SEC24B: variants seen among roughly 807,000 people sequenced by gnomAD.
SEC24B encodes protein transport protein Sec24B.
A neutral mutation model predicts 142.8 loss-of-function variants in SEC24B; 45 were observed. That is an observed-to-expected ratio of 0.32 (90% CI 0.25 to 0.40). The LOEUF is 0.40. Among genes scored for constraint, SEC24B ranks in the 10% least tolerant of loss-of-function variants. The pLI, the probability that SEC24B is intolerant of heterozygous loss-of-function variation, is 1.00. For synonymous variants in SEC24B, 574 were observed against 568.2 expected (o/e 1.01, Z -0.15); for missense variants, 1,409 against 1,526.8 (o/e 0.92, Z 1.29).
At position 109,516,647 on chromosome 4, in the gene SEC24B, A is replaced by G. The variant is rs774399485; in HGVS notation, c.2126+7A>G. ...TCCTAGAAAATCTAGACAAGTAAGA[A>G]TATTTTTAATTCATACTATACATAT... On this transcript the variant is annotated splice_region_variant and intron_variant, in intron 11 of 23. Coordinates refer to ENST00000265175, the MANE Select transcript of SEC24B (RefSeq NM_006323.5). 4 of 1,447,132 alleles carry G rather than the reference A, an allele frequency of 2.8e-6. No individual in the cohort carries two copies. In the African/African-American group the frequency reaches 4.2e-5, roughly 15 times the overall value. The allele number at this position is 1,447,132 out of a possible 1,614,324, so 89.6% of individuals were successfully genotyped here. A position where few individuals can be genotyped will look rare whatever the true frequency, so the allele number is the denominator to read the frequency against.
intron 10 of SEC24B, among the ~76,000 whole-genome samples, chr4:109,515,760 C>T (rs1722777899): frequency 6.6e-6 from 1 of 152,172 alleles, no homozygotes. Context: ...TATTTAAAGG[C>T]CAGGCACAGT....
intron 1 of SEC24B, among the ~76,000 whole-genome samples, chr4:109,456,490 A>G (rs1730708710): frequency 6.6e-6 from 1 of 152,090 alleles, no homozygotes; most frequent in South Asian, 2.1e-4. Context: ...GGACGAAAGC[A>G]GTCTGTCTGT....
intron 9 of SEC24B, among the ~76,000 whole-genome samples, chr4:109,512,810 C>A (rs979298759): frequency 1.3e-5 from 2 of 150,728 alleles, no homozygotes; most frequent in Non-Finnish European, 3.0e-5. Context: ...TACAGGCTTG[C>A]ACCACCACAC....
intron 3 of SEC24B, among the ~76,000 whole-genome samples, chr4:109,474,151 G>A (rs908061044): frequency 2.0e-5 from 3 of 152,160 alleles, no homozygotes; most frequent in Non-Finnish European, 2.9e-5. Context: ...AAAAGTAACT[G>A]CAGCACCAAA....
At chr4:109,491,726 C>T (rs923316276) in intron 5 of SEC24B, among the ~76,000 whole-genome samples, 4 of 151,918 alleles carry the variant, frequency 2.6e-5, no homozygotes, top group Non-Finnish European at 5.9e-5. Context: ...TATTGTCATG[C>T]TTAGGTCTTT....
At chr4:109,509,191 A>T (rs1737041283) in intron 7 of SEC24B, among the ~76,000 whole-genome samples, 1 of 152,160 alleles carries the variant, frequency 6.6e-6, no homozygotes, top group South Asian at 2.1e-4. Context: ...ATGAATGGCA[A>T]ATATGGAGGT....
intron 2 of SEC24B, among the ~76,000 whole-genome samples, chr4:109,469,918 G>C (rs111578606): frequency 6.6e-6 from 1 of 152,138 alleles, no homozygotes; most frequent in Non-Finnish European, 1.5e-5. Flanking sequence ...TACAAGTGCT[G>C]CATAGAAATT....
intron 1 of SEC24B, among the ~76,000 whole-genome samples, chr4:109,445,842 G>GATCAC (rs1729402742): frequency 3.9e-5 from 6 of 152,108 alleles, no homozygotes; most frequent in African/African-American, 1.4e-4. Flanking sequence ...AAAGTGCTGG[G>GATCAC]ATCACAGGTG....
intron 4 of SEC24B, among the ~76,000 whole-genome samples, chr4:109,487,394 G>A (rs887363919): frequency 6.6e-6 from 1 of 152,116 alleles, no homozygotes; most frequent in Non-Finnish European, 1.5e-5. Flanking sequence ...CAGAAGTTTG[G>A]TGTAACTGCA....
intron 1 of SEC24B, among the ~76,000 whole-genome samples, chr4:109,446,124 C>A (rs1265392016): frequency 6.6e-6 from 1 of 152,110 alleles, no homozygotes; most frequent in Non-Finnish European, 1.5e-5. Flanking sequence ...AATGGGTTCC[C>A]CAGCTATGTC....
At chr4:109,478,936 C>T (rs182477140) in intron 3 of SEC24B, among the ~76,000 whole-genome samples, 2 of 152,200 alleles carry the variant, frequency 1.3e-5, no homozygotes, top group East Asian at 3.9e-4. Flanking sequence ...ACCTAGTTTC[C>T]AGTTTAGGAA....
rs1722745005 is a variant in SEC24B, at chr4:109,515,495, C to T, written c.2014-1033C>T. ...AATTTTTACTTGAGACAGAGTTTCA[C>T]TCTGTCACCCAAGCTAGAGACAAGG... On this transcript the variant is annotated intron_variant, in intron 10 of 23. Transcript: ENST00000265175. Among the ~76,000 whole-genome samples the T allele has an allele frequency of 2.6e-5, 4 of 152,120 alleles. No individual in the cohort carries two copies. The South Asian group carries it at 8.3e-4, about 32-fold the overall frequency.
At chr4:109,456,734 A>C (rs1730734430) in intron 1 of SEC24B, among the ~76,000 whole-genome samples, 1 of 152,192 alleles carries the variant, frequency 6.6e-6, no homozygotes, top group Non-Finnish European at 1.5e-5. Context: ...TTGTATTCCT[A>C]ATATGAACCC....
chr4:109,436,078 G>T (rs76002640), intron 1 of SEC24B, among the ~76,000 whole-genome samples: 1 of 152,146 alleles, frequency 6.6e-6, no homozygotes, highest in African/African-American at 2.4e-5. Context: ...GGCCTTAAAT[G>T]TTATGCTAGG....
chr4:109,515,868 C>G (rs552851736), intron 10 of SEC24B, among the ~76,000 whole-genome samples: 3 of 149,070 alleles, frequency 2.0e-5, no homozygotes, highest in African/African-American at 7.4e-5. Flanking sequence ...AGTGAACCCC[C>G]CCCCACCCCC....
At chr4:109,527,252 AG>A in intron 17 of SEC24B, 69 bp from the exon 18 acceptor site, 1 of 1,047,832 alleles carries the variant, frequency 9.5e-7, no homozygotes, top group South Asian at 1.4e-5. Context: ...AAAGAAAAAA[AG>A]TATTTGACAT....
At chr4:109,498,327 C>T (rs953940855) in intron 6 of SEC24B, among the ~76,000 whole-genome samples, 5 of 152,108 alleles carry the variant, frequency 3.3e-5, no homozygotes, top group Admixed American at 6.6e-5. Context: ...AAATTTTCAT[C>T]GAAGATTAAA....
At chr4:109,484,163 G>A (rs1734106309) in intron 4 of SEC24B, among the ~76,000 whole-genome samples, 1 of 152,202 alleles carries the variant, frequency 6.6e-6, no homozygotes, top group Non-Finnish European at 1.5e-5. Context: ...TAGTTGTCAT[G>A]TTAGACTCCT....
At chr4:109,518,087 C>T (rs1439265537) in intron 11 of SEC24B, among the ~76,000 whole-genome samples, 1 of 152,108 alleles carries the variant, frequency 6.6e-6, no homozygotes, top group Non-Finnish European at 1.5e-5. Flanking sequence ...CTTGCCTCAG[C>T]CTCCCAAATA....
Sources: allele counts gnomAD v4.1 joint callset (sites outside exome capture counted in the v4.1 genomes callset), GRCh38; gene constraint gnomAD v4.1.1; transcripts MANE v1.5; gene names NCBI Gene and HGNC (gene_info 2026-07-23, HGNC 2026-07-21).